Variants in ABCD3 observed in about 807,000 individuals in gnomAD.
ABCD3 encodes ATP-binding cassette sub-family D member 3.
In ABCD3, 41 loss-of-function variants were observed where a neutral mutation model predicts 105.5. The observed-to-expected ratio is 0.39, with a 90% CI of 0.30 to 0.50. The LOEUF is 0.50. Among genes scored for constraint, ABCD3 ranks in the 20% least tolerant of loss-of-function variants. ABCD3 has a pLI of 0.84. For missense variants in ABCD3, 622 were observed against 806.3 expected (o/e 0.77, Z 2.77); for synonymous variants, 258 against 269.0 (o/e 0.96, Z 0.40).
intron 4 of ABCD3, among the ~76,000 whole-genome samples, chr1:94,472,453 CGT>C (rs765214936): frequency 5.7e-5 from 4 of 70,126 alleles, no homozygotes; most frequent in Non-Finnish European, 1.0e-4. Context: ...TTGTAGTTAG[CGT>C]TTTTTTTTTT....
intron 1 of ABCD3, among the ~76,000 whole-genome samples, chr1:94,438,138 T>A (rs1353670081): frequency 6.6e-6 from 1 of 151,758 alleles, no homozygotes; most frequent in African/African-American, 2.4e-5. Flanking sequence ...ATACAAAAAA[T>A]TAGCCGGGTG....
chr1:94,515,583 G>T (rs1570848585), intron 22 of ABCD3, among the ~76,000 whole-genome samples: 1 of 151,918 alleles, frequency 6.6e-6, no homozygotes, highest in African/African-American at 2.4e-5. Context: ...AGGACTACAA[G>T]GGGGAAGATT....
intron 3 of ABCD3, 99 bp downstream of exon 3, chr1:94,464,972 C>T (rs1400220898): frequency 6.9e-6 from 7 of 1,020,190 alleles, no homozygotes; most frequent in South Asian, 6.7e-5. Context: ...TTAATTGGCT[C>T]CTGGATCTGC....
the ABCD3 span, among the ~76,000 whole-genome samples, chr1:94,397,899 C>T: frequency 6.6e-6 from 1 of 152,052 alleles, no homozygotes; most frequent in Admixed American, 6.6e-5. Flanking sequence ...AAATTTCACC[C>T]AGTAATTTTA....
chr1:94,481,761 A>G (rs1412406137), intron 9 of ABCD3: 1 of 152,176 alleles, frequency 6.6e-6, no homozygotes, highest in Non-Finnish European at 1.5e-5. Context: ...GAGCAAAGAA[A>G]CCTTTCCCAA....
intron 1 of ABCD3, chr1:94,419,238 G>A (rs1659156974): frequency 1.0e-6 from 1 of 976,082 alleles, no homozygotes; most frequent in Non-Finnish European, 1.2e-6. Context: ...CATTTCATCC[G>A]GAAAGGCTGG....
chr1:94,385,949 C>T, the ABCD3 span, among the ~76,000 whole-genome samples: 1 of 152,176 alleles, frequency 6.6e-6, no homozygotes, highest in Non-Finnish European at 1.5e-5. Flanking sequence ...GAGTTATATT[C>T]ACTTCCTTCT....
intron 1 of ABCD3, chr1:94,455,936 A>G: frequency 2.5e-6 from 2 of 810,848 alleles, no homozygotes; most frequent in Non-Finnish European, 3.2e-6. Flanking sequence ...TTGAATACTA[A>G]TTTTTTTATT....
chr1:94,437,599 G>T (rs1659953905), intron 1 of ABCD3, among the ~76,000 whole-genome samples: 1 of 152,342 alleles, frequency 6.6e-6, no homozygotes, highest in Non-Finnish European at 1.5e-5. Flanking sequence ...TGTACAAGGA[G>T]ATTAATGTTG....
At chr1:94,395,830 C>T in the ABCD3 span, among the ~76,000 whole-genome samples, 184 of 150,852 alleles carry the variant, frequency 1.2e-3, no homozygotes, top group African/African-American at 4.3e-3. Context: ...TGTGTGTGTG[C>T]ACGCGTGTGA....
intron 1 of ABCD3, among the ~76,000 whole-genome samples, chr1:94,425,490 A>G (rs1485338489): frequency 1.3e-5 from 2 of 152,168 alleles, no homozygotes; most frequent in African/African-American, 2.4e-5. Flanking sequence ...ATACTGGTGT[A>G]TTTTTGCAAG....
intron 1 of ABCD3, among the ~76,000 whole-genome samples, chr1:94,424,637 G>A (rs1659395769): frequency 6.6e-6 from 1 of 151,916 alleles, no homozygotes; most frequent in Non-Finnish European, 1.5e-5. Context: ...GGCTGGTCTC[G>A]AACTCCTAGG....
intron 1 of ABCD3, among the ~76,000 whole-genome samples, chr1:94,450,952 T>G (rs1448344906): frequency 6.6e-6 from 1 of 152,236 alleles, no homozygotes; most frequent in Non-Finnish European, 1.5e-5. Context: ...CTACCTTCAT[T>G]GACTTTTCTC....
chr1:94,452,083 A>G (rs536084499), intron 1 of ABCD3, among the ~76,000 whole-genome samples: 1 of 152,316 alleles, frequency 6.6e-6, no homozygotes, highest in Non-Finnish European at 1.5e-5. Context: ...ACTGAGGTCA[A>G]GGTTTCTTAG....
intron 10 of ABCD3, 91 bp from the exon 11 acceptor site, chr1:94,487,451 T>A (rs369848267): frequency 2.2e-5 from 25 of 1,133,326 alleles, no homozygotes; most frequent in East Asian, 2.0e-4. Flanking sequence ...ATTTGTTGAA[T>A]AAATGAACTA....
chr1:94,506,713 C>A, intron 21 of ABCD3, 71 bp downstream of exon 21: 1 of 1,144,900 alleles, frequency 8.7e-7, no homozygotes, highest in Non-Finnish European at 1.3e-6. Flanking sequence ...CAAATCTGTC[C>A]AAAGAGAAGA....
Position 94,515,007 on chromosome 1 carries a change from A to G in ABCD3, c.1846-139A>G, listed in dbSNP as rs937707619. On this transcript the variant is annotated intron_variant, in intron 21 of 22. Transcript: ENST00000370214. The stretch of plus-strand genomic sequence containing the variant: ...CCATTGCTATAAACATTTTGCATCC[A>G]GTTGTAAATTTTTTCTCATTGACAT... 3.1e-5 allele frequency: 21 copies of G among 676,446 alleles called. No individual in the cohort carries two copies. In the African/African-American group the frequency reaches 3.8e-4, roughly 12 times the overall value. 41.9% of individuals were successfully genotyped at this position (676,446 alleles called of 1,614,324 possible).
chr1:94,462,676 A>G (rs1000957993), intron 2 of ABCD3, among the ~76,000 whole-genome samples: 1 of 152,068 alleles, frequency 6.6e-6, no homozygotes, highest in Non-Finnish European at 1.5e-5. Flanking sequence ...AACTTTCCTC[A>G]TTGTTTGTCT....
chr1:94,387,651 A>G, the ABCD3 span, among the ~76,000 whole-genome samples: 1 of 152,234 alleles, frequency 6.6e-6, no homozygotes, highest in Non-Finnish European at 1.5e-5. Flanking sequence ...AGGATCAGGC[A>G]TTCATAAAAC....
Sources: allele counts gnomAD v4.1 joint callset (sites outside exome capture counted in the v4.1 genomes callset), GRCh38; gene constraint gnomAD v4.1.1; transcripts MANE v1.5; gene names NCBI Gene and HGNC (gene_info 2026-07-23, HGNC 2026-07-21).